NECTIN1: variants seen among roughly 807,000 people sequenced by gnomAD.
NECTIN1 encodes nectin-1.
A neutral mutation model predicts 48.0 loss-of-function variants in NECTIN1; 23 were observed. That is an observed-to-expected ratio of 0.48 (90% CI 0.34 to 0.68). The LOEUF (loss-of-function observed/expected upper bound fraction) is 0.68. Ranked by LOEUF, NECTIN1 falls within the 30% of genes least tolerant of loss-of-function variation. NECTIN1 has a pLI of 0.01. For missense variants in NECTIN1, 591 were observed against 709.9 expected (o/e 0.83, Z 1.90); for synonymous variants, 270 against 288.9 (o/e 0.93, Z 0.66).
chr11:119,725,984 A>G (rs1434302172), intron 1 of NECTIN1, among the ~76,000 whole-genome samples: 1 of 152,224 alleles, frequency 6.6e-6, no homozygotes, highest in East Asian at 1.9e-4. Flanking sequence ...TTGTCATCTC[A>G]GGAAACAGAG....
chr11:119,645,465 C>A (rs1482598630), intron 5 of NECTIN1, among the ~76,000 whole-genome samples: 1 of 152,204 alleles, frequency 6.6e-6, no homozygotes, highest in Non-Finnish European at 1.5e-5. Flanking sequence ...AAGCTTCTGA[C>A]TTCATAGGCT....
At chr11:119,670,521 G>A (rs976459306) in intron 5 of NECTIN1, among the ~76,000 whole-genome samples, 4 of 152,142 alleles carry the variant, frequency 2.6e-5, no homozygotes, top group Non-Finnish European at 5.9e-5. Flanking sequence ...ACCTGCATGG[G>A]GCCCACTGGG....
intron 1 of NECTIN1, among the ~76,000 whole-genome samples, chr11:119,703,172 C>G (rs1424384573): frequency 6.6e-6 from 1 of 152,196 alleles, no homozygotes; most frequent in Non-Finnish European, 1.5e-5. Flanking sequence ...ACCAGGAGAC[C>G]AAGGTGCCTC....
intron 5 of NECTIN1, among the ~76,000 whole-genome samples, chr11:119,671,189 C>G (rs1043192223): frequency 4.6e-5 from 7 of 151,720 alleles, no homozygotes; most frequent in South Asian, 2.1e-4. Flanking sequence ...CTCCCCTCCC[C>G]CTCCATCCCT....
intron 4 of NECTIN1, among the ~76,000 whole-genome samples, chr11:119,676,009 GAA>G (rs33954161): frequency 7.0e-6 from 1 of 143,272 alleles, no homozygotes; most frequent in Non-Finnish European, 1.5e-5. Flanking sequence ...CCGTCTCAAA[GAA>G]AAAAAAAAAA....
At chr11:119,676,948 TG>T (rs1461961561) in intron 4 of NECTIN1, 153 bp downstream of exon 4, 6 of 695,560 alleles carry the variant, frequency 8.6e-6, no homozygotes, top group Non-Finnish European at 1.6e-5. Flanking sequence ...GTGTTGGGGG[TG>T]GGGGTTGTTC....
At chr11:119,705,819 C>T (rs1023025278) in intron 1 of NECTIN1, among the ~76,000 whole-genome samples, 1 of 152,182 alleles carries the variant, frequency 6.6e-6, no homozygotes, top group Non-Finnish European at 1.5e-5. Flanking sequence ...GGAGGGAGCC[C>T]CAAGGCCAGA....
chr11:119,704,466 C>T (rs999156413), intron 1 of NECTIN1, among the ~76,000 whole-genome samples: 3 of 152,326 alleles, frequency 2.0e-5, no homozygotes, highest in African/African-American at 4.8e-5. Flanking sequence ...ATCCACCCGC[C>T]TCGGCCTCCC....
intron 1 of NECTIN1, among the ~76,000 whole-genome samples, chr11:119,689,725 G>A (rs563803860): frequency 8.4e-4 from 128 of 152,290 alleles, no homozygotes; most frequent in Non-Finnish European, 1.6e-3. Context: ...GAGGGCTCTC[G>A]ACCCCATCCC....
chr11:119,697,972 A>G (rs1865371458), intron 1 of NECTIN1, among the ~76,000 whole-genome samples: 1 of 152,188 alleles, frequency 6.6e-6, no homozygotes. Flanking sequence ...CCAGCTCCTT[A>G]CCAGGGACAG....
At chr11:119,697,285 A>T (rs1028027343) in intron 1 of NECTIN1, among the ~76,000 whole-genome samples, 1 of 74,540 alleles carries the variant, frequency 1.3e-5, no homozygotes, top group Non-Finnish European at 2.6e-5. Flanking sequence ...CAATTAAAAA[A>T]ATATGCATTT....
chr11:119,661,751 G>C lies in NECTIN1; in HGVS notation c.*2996C>G. 1.0e-6 allele frequency: 1 copy of C among 985,682 alleles called. No individual in the cohort carries two copies. The highest frequency in any genetic ancestry group is 1.2e-6 in the Non-Finnish European group (1 of 829,940). 61.1% of individuals were successfully genotyped at this position (985,682 alleles called of 1,614,324 possible). ...TTGCAGCCCGGGCACTGGGAAATTC[G>C]TTTCTCCTTAATGGCTTTCAGCAGG... On this transcript the variant is annotated 3_prime_UTR_variant, in exon 6 of 6. Coordinates refer to ENST00000264025, the MANE Select transcript of NECTIN1 (RefSeq NM_002855.5).
At position 119,728,712 on chromosome 11, in the gene NECTIN1, A is replaced by AC; in HGVS notation, c.-160_-159insG. ...GCCGGGGCGGGGTGGGCTGGGTGGG[A>AC]TCCGCGCGGCCGCAGTCCGGGCCCC... On this transcript the variant is annotated 5_prime_UTR_variant, in exon 1 of 6. Coordinates refer to ENST00000264025, the MANE Select transcript of NECTIN1 (RefSeq NM_002855.5). 2.3e-6 allele frequency: 1 copy of AC among 430,486 alleles called. No individual in the cohort carries two copies. 26.7% of individuals were successfully genotyped at this position (430,486 alleles called of 1,614,324 possible). A position where few individuals can be genotyped will look rare whatever the true frequency, so the allele number is the denominator to read the frequency against.
Position 119,699,693 on chromosome 11 carries a change from C to G in NECTIN1, c.80-20928G>C, listed in dbSNP as rs566219224. Among the ~76,000 whole-genome samples the G allele has an allele frequency of 1.1e-3, 168 of 152,298 alleles. 1 individual carries two copies. The highest frequency in any genetic ancestry group is 3.7e-3 in the African/African-American group (152 of 41,550). On this transcript the variant is annotated intron_variant, in intron 1 of 5. Transcript: ENST00000264025. ...TTTGAAAGACGCTCAGGTGCATTCC[C>G]TGGAGTGCTCATGAAGTCCTCAGCC... is the stretch of plus-strand genomic sequence containing the variant.
chr11:119,674,734 G>A lies in NECTIN1; in HGVS notation c.1003+425C>T, dbSNP rs946663580. The A allele has an allele frequency of 1.9e-6, 3 of 1,612,840 alleles. No homozygotes were observed. The African/African-American group carries it at 4.0e-5, about 22-fold the overall frequency. ...TTTCTCTCCAGTCTCCCTGCTTGAG[G>A]TAAGCCTCACTTTCTGGCCCATGAA... On this transcript the variant is annotated intron_variant, in intron 5 of 5. Transcript: ENST00000264025.
Position 119,709,190 on chromosome 11 carries a change from C to T in NECTIN1, c.79+19285G>A, listed in dbSNP as rs1274001383. 2.0e-5 allele frequency among the ~76,000 whole-genome samples: 3 copies of T among 152,098 alleles called. No homozygotes were observed. Among genetic ancestry groups the T allele is most frequent in the Non-Finnish European group, 2.9e-5 (2 of 68,014 alleles). The stretch of plus-strand genomic sequence containing the variant: ...GGGTCCCTTGGTAATAGAACAGGCA[C>T]GAAGAGGCTTTGCCATAGATGGGGA... On this transcript the variant is annotated intron_variant, in intron 1 of 5. Coordinates refer to ENST00000264025, the MANE Select transcript of NECTIN1 (RefSeq NM_002855.5). This position sits in a 1 kb window ranked among gnomAD's most constrained non-coding sequence, Gnocchi z 4.1.
chr11:119,704,135 C>G (rs1865503627), intron 1 of NECTIN1, among the ~76,000 whole-genome samples: 1 of 152,176 alleles, frequency 6.6e-6, no homozygotes, highest in Non-Finnish European at 1.5e-5. Flanking sequence ...CCCTCACGCC[C>G]CACCATCATT....
In NECTIN1 at chr11:119,678,511, A is replaced by T. The variant is rs547031791; in HGVS notation, c.334T>A (p.Ser112Thr). The change falls in exon 2 of 6, where the codon TCC becomes ACC. Residue 112 changes from serine (S) to threonine (T), a missense_variant. Coordinates refer to ENST00000264025, the MANE Select transcript of NECTIN1 (RefSeq NM_002855.5). The surrounding 1 kb of genome is among the most constrained non-coding windows in gnomAD (Gnocchi z 4.4). The stretch of plus-strand genomic sequence containing the variant: ...CCCTCATCCTCCAGCTCCAGGCGGG[A>T]GAGGCGGATAGTGCCATCGGTGAAG... ...PSFTDGTIRL[S>T]RLELEDEGVY... The T allele has an allele frequency of 2.4e-5, 38 of 1,614,192 alleles. No homozygotes were observed. In the East Asian group the frequency reaches 3.8e-4, roughly 16 times the overall value.
At chr11:119,640,042 G>C (rs1403799537) in intron 5 of NECTIN1, 1 of 1,586,010 alleles carries the variant, frequency 6.3e-7, no homozygotes, top group Non-Finnish European at 8.6e-7. Context: ...AAGAGGATTA[G>C]AGAGAGAAAC....
Sources: gnomAD v4.1 joint callset for allele counts (sites outside exome capture counted in the v4.1 genomes callset) on GRCh38, gnomAD v4.1.1 for gene constraint, Gnocchi (gnomAD v3.1) non-coding constraint, MANE v1.5 for transcripts, NCBI Gene and HGNC (gene_info 2026-07-23, HGNC 2026-07-21) for gene names.